The following DAB2IP variants were observed in gnomAD, a reference collection of about 807,000 sequenced individuals.
The protein encoded by DAB2IP is DAB2 interacting protein.
DAB2IP carries 28 observed loss-of-function variants against 107.2 expected under a neutral mutation model. The observed-to-expected ratio is 0.26, with a 90% CI of 0.19 to 0.36. DAB2IP has a LOEUF of 0.36. DAB2IP is among the 10% of genes least tolerant of loss of function. DAB2IP has a pLI of 1.00. For missense variants in DAB2IP, 1,400 were observed against 1,644.7 expected (o/e 0.85, Z 2.57); for synonymous variants, 755 against 706.4 (o/e 1.07, Z -1.09).
At chr9:121,668,040 C>T (rs937243603) in intron 1 of DAB2IP, among the ~76,000 whole-genome samples, 1 of 152,176 alleles carries the variant, frequency 6.6e-6, no homozygotes, top group Non-Finnish European at 1.5e-5. Context: ...GACTTATTCA[C>T]TACCACCAGA....
intron 10 of DAB2IP, among the ~76,000 whole-genome samples, chr9:121,768,962 A>G (rs1834500315): frequency 6.6e-6 from 1 of 152,202 alleles, no homozygotes; most frequent in Non-Finnish European, 1.5e-5. Flanking sequence ...GCCTGTATGA[A>G]GAAGATGACT....
At chr9:121,641,220 A>G (rs969126689) in intron 1 of DAB2IP, among the ~76,000 whole-genome samples, 2 of 152,174 alleles carry the variant, frequency 1.3e-5, no homozygotes, top group African/African-American at 4.8e-5. Flanking sequence ...TTCCAGACAA[A>G]ATGCTCTTCC....
chr9:121,572,362 G>C (rs1226489876), intron 1 of DAB2IP, among the ~76,000 whole-genome samples: 1 of 152,044 alleles, frequency 6.6e-6, no homozygotes. Context: ...GCACAGCACT[G>C]GTCCTGAGAA....
rs753736571 is a variant in DAB2IP at position 121,633,717 on chromosome 9, G to A, written c.41-44961G>A. Among the ~76,000 whole-genome samples the A allele has an allele frequency of 2.0e-5, 3 of 152,198 alleles. No individual in the cohort carries two copies. The highest frequency in any genetic ancestry group is 4.4e-5 in the Non-Finnish European group (3 of 68,038). On this transcript the variant is annotated intron_variant, in intron 1 of 16. Transcript: ENST00000259371. The surrounding 1 kb of genome is among the most constrained non-coding windows in gnomAD (Gnocchi z 5.1). ...TTTGGCCACAGGAGCTGGCCTGGAT[G>A]TGCCTCATTCTGGACCGTTGTGGGA...
At chr9:121,731,829 A>G (rs867420750) in intron 3 of DAB2IP, among the ~76,000 whole-genome samples, 31 of 152,108 alleles carry the variant, frequency 2.0e-4, no homozygotes, top group African/African-American at 6.5e-4. Context: ...TGCTGATCTC[A>G]GGGTTGGGGA....
At chr9:121,737,193 A>AC in intron 3 of DAB2IP, 1 of 985,102 alleles carries the variant, frequency 1.0e-6, no homozygotes, top group Non-Finnish European at 1.2e-6. Context: ...TCTGGCCTGC[A>AC]CCCTGCCCAG....
chr9:121,728,843 GTTAT>G, intron 3 of DAB2IP, among the ~76,000 whole-genome samples: 1 of 152,162 alleles, frequency 6.6e-6, no homozygotes, highest in African/African-American at 2.4e-5. Context: ...AGGGGAAGGG[GTTAT>G]TTAAACACAC....
chr9:121,643,222 T>C (rs1193099193), intron 1 of DAB2IP, among the ~76,000 whole-genome samples: 1 of 152,056 alleles, frequency 6.6e-6, no homozygotes, highest in Non-Finnish European at 1.5e-5. Flanking sequence ...ATGTAGTTAA[T>C]GGCATCCAGT....
intron 13 of DAB2IP, among the ~76,000 whole-genome samples, chr9:121,774,934 T>C (rs528468810): frequency 5.3e-5 from 8 of 152,284 alleles, no homozygotes; most frequent in Admixed American, 3.3e-4. Flanking sequence ...GAAACAGCAG[T>C]TACCAGCTTG....
chr9:121,572,783 A>T (rs520529), intron 1 of DAB2IP, among the ~76,000 whole-genome samples: 4 of 151,450 alleles, frequency 2.6e-5, no homozygotes, highest in Admixed American at 6.6e-5. Flanking sequence ...CTCGTACAGG[A>T]GCGGGGGTTG....
exon 16 of DAB2IP, chr9:121,783,672 G>A: frequency 7.9e-7 from 1 of 1,260,494 alleles, no homozygotes. Context: ...GCAGCAGCCT[G>A]CACCTGCCCC....
chr9:121,722,161 G>A (rs1830973432), intron 3 of DAB2IP, among the ~76,000 whole-genome samples: 1 of 152,226 alleles, frequency 6.6e-6, no homozygotes, highest in Non-Finnish European at 1.5e-5. Context: ...AATGGGGGCT[G>A]TCGATCTCTC....
chr9:121,724,056 G>A (rs141145407), intron 3 of DAB2IP, among the ~76,000 whole-genome samples: 1 of 152,254 alleles, frequency 6.6e-6, no homozygotes, highest in Non-Finnish European at 1.5e-5. Context: ...GGGACAACAT[G>A]GGGGATTGTT....
In DAB2IP at chr9:121,758,347, C is replaced by G. The variant is rs80338247; in HGVS notation, c.517-551C>G. Reference sequence around the variant, plus strand: ...TAGGGCCTGGCACATCCAGACAGTCCGAGTCTCATTTCTCCAGTCTGGCAT... The same window carrying G: ...TAGGGCCTGGCACATCCAGACAGTCGGAGTCTCATTTCTCCAGTCTGGCAT... On this transcript the variant is annotated intron_variant, in intron 4 of 15. Transcript: ENST00000408936. 7.5e-3 allele frequency among the ~76,000 whole-genome samples: 1,149 copies of G among 152,190 alleles called. 9 individuals are homozygous for G. Among genetic ancestry groups the G allele is most frequent in the Non-Finnish European group, 0.012 (804 of 68,008 alleles).
chr9:121,771,710 C>G (rs1834752249), intron 11 of DAB2IP, among the ~76,000 whole-genome samples: 3 of 151,968 alleles, frequency 2.0e-5, no homozygotes, highest in African/African-American at 7.3e-5. Context: ...CCCCACTGCT[C>G]TCCGTCTTTC....
intron 1 of DAB2IP, among the ~76,000 whole-genome samples, chr9:121,601,687 C>T (rs1830687371): frequency 6.6e-6 from 1 of 152,160 alleles, no homozygotes; most frequent in African/African-American, 2.4e-5. Context: ...TATTTTCTTG[C>T]ACCCATAAAA....
At chr9:121,570,755 C>A (rs1829919357) in intron 1 of DAB2IP, among the ~76,000 whole-genome samples, 1 of 152,104 alleles carries the variant, frequency 6.6e-6, no homozygotes, top group Non-Finnish European at 1.5e-5. Context: ...CCCACGTTGC[C>A]CAGGCTGGTC....
At chr9:121,605,762 T>A (rs1351960554) in intron 1 of DAB2IP, among the ~76,000 whole-genome samples, 1 of 152,152 alleles carries the variant, frequency 6.6e-6, no homozygotes, top group African/African-American at 2.4e-5. Context: ...CACCTTGGCC[T>A]CCCAAAGTGC....
chr9:121,728,214 T>C (rs367855799), intron 3 of DAB2IP, among the ~76,000 whole-genome samples: 53 of 152,318 alleles, frequency 3.5e-4, no homozygotes, highest in African/African-American at 1.2e-3. Context: ...CTCATGGTAC[T>C]TCTCTGAATC....
Sources: allele counts gnomAD v4.1 joint callset (sites outside exome capture counted in the v4.1 genomes callset), GRCh38; gene constraint gnomAD v4.1.1; non-coding constraint Gnocchi (gnomAD v3.1); transcripts MANE v1.5; gene names NCBI Gene and HGNC (gene_info 2026-07-23, HGNC 2026-07-21).